Variants in CNTN5 observed in about 807,000 individuals in gnomAD.
CNTN5 encodes the protein contactin-5.
Under a neutral mutation model 129.1 loss-of-function variants are expected in CNTN5, and 77 were observed. The ratio of observed to expected loss-of-function variants is 0.60; its 90% CI spans 0.50 to 0.72. The LOEUF (loss-of-function observed/expected upper bound fraction) is 0.72. Among genes scored for constraint, CNTN5 ranks in the 30% least tolerant of loss-of-function variants. The pLI, the probability that CNTN5 is intolerant of heterozygous loss-of-function variation, is 0.00. For synonymous variants in CNTN5, 509 were observed against 465.6 expected, an observed-to-expected ratio of 1.09 and a Z score of -1.20; for missense variants, 1,478 against 1,328.8, an observed-to-expected ratio of 1.11 and a Z score of -1.75.
chr11:99,915,903 A>T, intron 6 of CNTN5, 151 bp from the exon 7 acceptor site: 2 of 593,310 alleles, frequency 3.4e-6, no homozygotes, highest in Non-Finnish European at 6.1e-6. Flanking sequence ...AAATTAGATG[A>T]TGTAGATATA....
intron 8 of CNTN5, among the ~76,000 whole-genome samples, chr11:99,957,904 C>T (rs1045872325): frequency 2.6e-5 from 4 of 151,030 alleles, no homozygotes; most frequent in African/African-American, 9.7e-5. Flanking sequence ...TATATATAAA[C>T]ATTTAAATAT....
intron 13 of CNTN5, among the ~76,000 whole-genome samples, chr11:100,140,237 A>G (rs932833876): frequency 6.6e-6 from 1 of 152,218 alleles, no homozygotes; most frequent in African/African-American, 2.4e-5. Context: ...TAAAAGAAAT[A>G]TGCCAACATG....
chr11:99,585,431 A>G (rs1411915298), intron 3 of CNTN5, among the ~76,000 whole-genome samples: 2 of 152,190 alleles, frequency 1.3e-5, no homozygotes, highest in Non-Finnish European at 2.9e-5. Context: ...CAGTTTTACA[A>G]AACTTATAAC....
At chr11:100,277,306 A>G (rs929419089) in intron 18 of CNTN5, among the ~76,000 whole-genome samples, 1 of 152,158 alleles carries the variant, frequency 6.6e-6, no homozygotes, top group Non-Finnish European at 1.5e-5. Flanking sequence ...TATCACTTCA[A>G]TAAACTAATT....
chr11:99,264,877 T>G (rs969990407), intron 1 of CNTN5, among the ~76,000 whole-genome samples: 6 of 152,064 alleles, frequency 3.9e-5, no homozygotes, highest in Non-Finnish European at 2.9e-5. Context: ...AACTTCAACA[T>G]GACAGGATAG....
At chr11:99,576,842 G>T (rs931807977) in intron 3 of CNTN5, among the ~76,000 whole-genome samples, 4 of 152,060 alleles carry the variant, frequency 2.6e-5, no homozygotes, top group Non-Finnish European at 4.4e-5. Flanking sequence ...ATTCTTAAGG[G>T]TTTCACCCTC....
chr11:99,269,483 C>T (rs894126120), intron 1 of CNTN5, among the ~76,000 whole-genome samples: 2 of 151,598 alleles, frequency 1.3e-5, no homozygotes, highest in Admixed American at 1.3e-4. Context: ...TAGAACATAC[C>T]AGTTTTTATT....
At position 99,507,399 on chromosome 11, in the gene CNTN5, A is replaced by AG. The variant is rs1199970412; in HGVS notation, c.-70-48744dup. 6.1e-5 allele frequency among the ~76,000 whole-genome samples: 9 copies of AG among 146,798 alleles called. No individual in the cohort carries two copies. In the East Asian group the frequency reaches 6.1e-4, roughly 10 times the overall value. ...TCAAAAAAAAAAAAAAAAAAAAGAA[A>AG]GGTTTTTCAAAACAATAGTCATCCC... is the stretch of plus-strand genomic sequence containing the variant. On this transcript the variant is annotated intron_variant, in intron 2 of 24. Coordinates refer to ENST00000524871, the MANE Select transcript of CNTN5 (RefSeq NM_014361.4).
intron 6 of CNTN5, among the ~76,000 whole-genome samples, chr11:99,902,866 A>T (rs1413786511): frequency 2.6e-5 from 4 of 152,152 alleles, no homozygotes; most frequent in African/African-American, 9.6e-5. Context: ...GGAAAGAAAG[A>T]ATTGGGCCAA....
intron 2 of CNTN5, among the ~76,000 whole-genome samples, chr11:99,489,394 G>A (rs1945946526): frequency 6.6e-6 from 1 of 152,136 alleles, no homozygotes; most frequent in South Asian, 2.1e-4. Flanking sequence ...AATGAACTAT[G>A]ATTCCCCTAA....
intron 2 of CNTN5, among the ~76,000 whole-genome samples, chr11:99,516,005 T>A (rs79972441): frequency 0.021 from 3,135 of 151,458 alleles, 116 homozygotes; most frequent in African/African-American, 0.072. Context: ...AGTTTTATGG[T>A]CAGCTAGGTT....
intron 2 of CNTN5, among the ~76,000 whole-genome samples, chr11:99,535,739 T>G (rs2135481146): frequency 6.6e-6 from 1 of 152,284 alleles, no homozygotes; most frequent in Admixed American, 6.5e-5. Context: ...CAGCAAAATC[T>G]TTGTAAAAAT....
At chr11:99,529,226 C>A (rs1269882004) in intron 2 of CNTN5, among the ~76,000 whole-genome samples, 3 of 152,292 alleles carry the variant, frequency 2.0e-5, no homozygotes, top group East Asian at 3.9e-4. Flanking sequence ...CCCACCTGAT[C>A]CACTCAGGTT....
chr11:99,582,222 T>A (rs1435659958), intron 3 of CNTN5, among the ~76,000 whole-genome samples: 2 of 152,192 alleles, frequency 1.3e-5, no homozygotes, highest in Non-Finnish European at 2.9e-5. Context: ...CTTCCATTTG[T>A]GGGTAACCCG....
At chr11:100,048,422 C>A (rs1438857941) in intron 9 of CNTN5, among the ~76,000 whole-genome samples, 1 of 152,024 alleles carries the variant, frequency 6.6e-6, no homozygotes, top group Non-Finnish European at 1.5e-5. Context: ...TGAGCCAATT[C>A]CCATAATAAA....
At chr11:100,060,753 C>A (rs1237416346) in intron 9 of CNTN5, among the ~76,000 whole-genome samples, 1 of 151,022 alleles carries the variant, frequency 6.6e-6, no homozygotes, top group Non-Finnish European at 1.5e-5. Flanking sequence ...GATTCTCCTG[C>A]CTCAGCCTCC....
At chr11:99,839,168 A>T (rs994796555) in intron 4 of CNTN5, among the ~76,000 whole-genome samples, 6 of 152,166 alleles carry the variant, frequency 3.9e-5, no homozygotes, top group Non-Finnish European at 8.8e-5. Context: ...TGAAACAAGG[A>T]AAAAAGGCTT....
chr11:99,983,407 A>G (rs983472368), intron 8 of CNTN5, among the ~76,000 whole-genome samples: 8 of 151,412 alleles, frequency 5.3e-5, no homozygotes, highest in African/African-American at 2.0e-4. Flanking sequence ...CTGACAAGAG[A>G]AGTAAAATCC....
At position 99,483,234 on chromosome 11, in the gene CNTN5, G is replaced by T. The variant is rs181425640; in HGVS notation, c.-70-72911G>T. 5.1e-3 allele frequency among the ~76,000 whole-genome samples: 758 copies of T among 148,986 alleles called. 8 individuals are homozygous for T. The highest frequency in any genetic ancestry group is 7.5e-3 in the Non-Finnish European group (503 of 67,308). The stretch of plus-strand genomic sequence containing the variant: ...GAACAGAAACAAAAGGAAGTAAAGT[G>T]CACTTGGAAGAGGGCCAAGCTGGCA... On this transcript the variant is annotated intron_variant, in intron 2 of 24. Transcript: ENST00000524871.
Sources: allele counts gnomAD v4.1 joint callset (sites outside exome capture counted in the v4.1 genomes callset), GRCh38; gene constraint gnomAD v4.1.1; transcripts MANE v1.5; gene names NCBI Gene and HGNC (gene_info 2026-07-23, HGNC 2026-07-21).